The following SV2C variants were observed in gnomAD, a reference collection of about 807,000 sequenced individuals.
SV2C encodes solute carrier family 22 member B3.
A neutral mutation model predicts 79.7 loss-of-function variants in SV2C; 49 were observed. That is an observed-to-expected ratio of 0.61 (90% CI 0.49 to 0.78). The LOEUF is 0.78. SV2C is among the 30% of genes least tolerant of loss of function. The pLI is 0.00. For synonymous variants in SV2C, 334 were observed against 333.2 expected (o/e 1.00, Z -0.03); for missense variants, 833 against 912.9 (o/e 0.91, Z 1.13).
intron 4 of SV2C, among the ~76,000 whole-genome samples, chr5:76,258,609 C>A (rs987664809): frequency 6.6e-6 from 1 of 152,152 alleles, no homozygotes; most frequent in South Asian, 2.1e-4. Flanking sequence ...GTGTCTATGC[C>A]TGGAGCTTTG....
the SV2C span, among the ~76,000 whole-genome samples, chr5:76,049,017 A>AAG: frequency 9.4e-6 from 1 of 106,934 alleles, no homozygotes; most frequent in African/African-American, 3.2e-5. Context: ...GAAAGAAAGA[A>AAG]AGAAAGAAAA....
chr5:76,256,237 G>A (rs1579993080), intron 4 of SV2C, among the ~76,000 whole-genome samples: 1 of 152,296 alleles, frequency 6.6e-6, no homozygotes, highest in African/African-American at 2.4e-5. Context: ...CTGAATTTAA[G>A]AATGCAGCAA....
At chr5:75,910,430 G>T in the SV2C span, 1 of 596,416 alleles carries the variant, frequency 1.7e-6, no homozygotes, top group South Asian at 1.4e-5. Context: ...TACTCTTTTT[G>T]AACTTTCATG....
chr5:76,034,164 T>G, the SV2C span, among the ~76,000 whole-genome samples: 2 of 151,500 alleles, frequency 1.3e-5, no homozygotes, highest in South Asian at 2.1e-4. Context: ...ACAATGGGGT[T>G]TTCTAGATAT....
chr5:76,074,379 G>C, the SV2C span, among the ~76,000 whole-genome samples: 1 of 152,030 alleles, frequency 6.6e-6, no homozygotes, highest in South Asian at 2.1e-4. Flanking sequence ...CATCTTACCA[G>C]ATGCCACATT....
upstream of SV2C, among the ~76,000 whole-genome samples, chr5:76,082,643 C>G (rs900691853): frequency 7.0e-6 from 1 of 142,682 alleles, no homozygotes; most frequent in East Asian, 2.1e-4. Context: ...CACCCCCCCC[C>G]CCTCATATTT....
chr5:75,973,584 G>A, the SV2C span, among the ~76,000 whole-genome samples: 9 of 151,892 alleles, frequency 5.9e-5, no homozygotes, highest in African/African-American at 2.2e-4. Context: ...ATAGACGAGG[G>A]GAGATTGATA....
chr5:75,872,108 G>A, the SV2C span, among the ~76,000 whole-genome samples: 35,236 of 146,646 alleles, frequency 0.24, 7,714 homozygotes, highest in African/African-American at 0.59. Flanking sequence ...TATATATATG[G>A]TAGGTTGCAA....
intron 4 of SV2C, among the ~76,000 whole-genome samples, chr5:76,270,606 A>G (rs764197950): frequency 6.6e-6 from 1 of 152,190 alleles, no homozygotes; most frequent in African/African-American, 2.4e-5. Context: ...ATGACACTAC[A>G]GAATAGCTTG....
chr5:75,891,826 C>T, the SV2C span, among the ~76,000 whole-genome samples: 1 of 152,060 alleles, frequency 6.6e-6, no homozygotes, highest in East Asian at 1.9e-4. Context: ...TTTCTTTCTT[C>T]CTTTTTGTCT....
At chr5:75,939,901 A>C in the SV2C span, among the ~76,000 whole-genome samples, 1 of 152,112 alleles carries the variant, frequency 6.6e-6, no homozygotes, top group African/African-American at 2.4e-5. Context: ...GGTTAGTTCA[A>C]GTCTGGCTCA....
the SV2C span, among the ~76,000 whole-genome samples, chr5:75,971,272 T>G: frequency 1.7e-3 from 259 of 151,744 alleles, 2 homozygotes; most frequent in East Asian, 4.5e-3. Context: ...CACAAGACAG[T>G]GATGCCCTCT....
the SV2C span, among the ~76,000 whole-genome samples, chr5:75,965,222 A>G: frequency 6.6e-6 from 1 of 152,182 alleles, no homozygotes; most frequent in African/African-American, 2.4e-5. Context: ...ACCTGAGATC[A>G]AACCAATCAC....
chr5:76,110,523 G>A (rs754793083), intron 1 of SV2C, among the ~76,000 whole-genome samples: 1 of 152,188 alleles, frequency 6.6e-6, no homozygotes, highest in Admixed American at 6.5e-5. Context: ...AGACCCTCGG[G>A]GTTTCTGGAG....
chr5:76,108,859 A>G (rs1037465859), intron 1 of SV2C, among the ~76,000 whole-genome samples: 1 of 152,224 alleles, frequency 6.6e-6, no homozygotes, highest in Non-Finnish European at 1.5e-5. Context: ...TAGACAAAGA[A>G]GTTGACTAAC....
chr5:76,050,874 C>T, the SV2C span, among the ~76,000 whole-genome samples: 4 of 152,274 alleles, frequency 2.6e-5, no homozygotes, highest in East Asian at 7.7e-4. Flanking sequence ...AGATAAGTTA[C>T]TTTCTAAGGG....
the SV2C span, among the ~76,000 whole-genome samples, chr5:75,857,313 T>A: frequency 2.6e-5 from 4 of 152,076 alleles, no homozygotes; most frequent in East Asian, 7.7e-4. Context: ...GCCTAGTGTC[T>A]TTCTTCTGCA....
At chr5:75,932,046 C>G in the SV2C span, among the ~76,000 whole-genome samples, 1 of 152,152 alleles carries the variant, frequency 6.6e-6, no homozygotes, top group Non-Finnish European at 1.5e-5. Flanking sequence ...CATTTGAAGG[C>G]TTCCCACGGC....
the SV2C span, among the ~76,000 whole-genome samples, chr5:75,885,164 C>G: frequency 6.6e-6 from 1 of 152,222 alleles, no homozygotes; most frequent in East Asian, 1.9e-4. Context: ...AATACTCCCC[C>G]TATTGTCACC....
Sources: gnomAD v4.1 joint callset for allele counts (sites outside exome capture counted in the v4.1 genomes callset) on GRCh38, gnomAD v4.1.1 for gene constraint, MANE v1.5 for transcripts, NCBI Gene and HGNC (gene_info 2026-07-23, HGNC 2026-07-21) for gene names.